DMD: variants seen among roughly 807,000 people sequenced by gnomAD.
DMD encodes dystrophin.
Under a neutral mutation model 330.1 loss-of-function variants are expected in DMD, and 63 were observed. That is an observed-to-expected ratio of 0.19 (90% confidence interval 0.16 to 0.24). The LOEUF (loss-of-function observed/expected upper bound fraction) is 0.24. DMD is among the 10% of genes least tolerant of loss of function. The pLI, the probability that DMD is intolerant of heterozygous loss-of-function variation, is 1.00. For missense variants in DMD, 3,344 were observed against 2,684.1 expected (o/e 1.25, Z -5.43); for synonymous variants, 1,223 against 959.8 (o/e 1.27, Z -5.07).
chrX:33,096,787 C>T (rs987113639), intron 1 of DMD, among the ~76,000 whole-genome samples: 17 of 112,096 alleles, frequency 1.5e-4, no homozygotes, highest in African/African-American at 3.6e-4. Context: ...ATTATAGGCG[C>T]GAGCCACCGC....
chrX:31,246,072 A>C (rs1232697605), intron 63 of DMD, among the ~76,000 whole-genome samples: 1 of 112,262 alleles, frequency 8.9e-6, no homozygotes, highest in African/African-American at 3.2e-5. Context: ...TAATGAAGGA[A>C]ATTAAAAGTA....
intron 55 of DMD, among the ~76,000 whole-genome samples, chrX:31,559,843 T>C (rs186535566): frequency 5.4e-4 from 60 of 110,176 alleles, no homozygotes; most frequent in Middle Eastern, 4.7e-3. Context: ...CACTGTAAAT[T>C]CTTTGAGGCA....
chrX:31,874,314 G>A (rs189459390), intron 48 of DMD, among the ~76,000 whole-genome samples: 3 of 111,297 alleles, frequency 2.7e-5, no homozygotes, highest in African/African-American at 6.5e-5. Flanking sequence ...CAGACTATAC[G>A]GGGAGATTGC....
chrX:33,064,629 C>T (rs2094625868), intron 1 of DMD, among the ~76,000 whole-genome samples: 1 of 111,897 alleles, frequency 8.9e-6, no homozygotes, highest in Non-Finnish European at 1.9e-5. Flanking sequence ...TGGCTCATGC[C>T]TGTAATCCCA....
chrX:32,899,695 A>T (rs1043358775), intron 2 of DMD, among the ~76,000 whole-genome samples: 1 of 110,016 alleles, frequency 9.1e-6, no homozygotes, highest in Admixed American at 9.7e-5. Flanking sequence ...AAAAAGAAAG[A>T]AAAAGAAAAA....
At chrX:32,028,817 T>G (rs2095864335) in intron 44 of DMD, among the ~76,000 whole-genome samples, 2 of 108,321 alleles carry the variant, frequency 1.8e-5, no homozygotes, top group South Asian at 7.7e-4. Context: ...CATATACCAT[T>G]TTTTTTTTGT....
chrX:32,464,562 A>G, intron 24 of DMD, 24 bp downstream of exon 24: 1 of 1,034,365 alleles, frequency 9.7e-7, no homozygotes, highest in Non-Finnish European at 1.4e-6. Flanking sequence ...TATTCATATT[A>G]AAGGCATCAT....
chrX:32,798,919 T>G (rs1388555386), intron 7 of DMD, among the ~76,000 whole-genome samples: 4 of 111,699 alleles, frequency 3.6e-5, no homozygotes, highest in Non-Finnish European at 5.6e-5. Context: ...TATAAACATT[T>G]CTTGCCATTA....
intron 4 of DMD, among the ~76,000 whole-genome samples, chrX:32,827,056 A>ACCCCCCCCCCCCCC (rs1174768674): frequency 1.7e-5 from 1 of 59,901 alleles, no homozygotes; most frequent in African/African-American, 8.0e-5. Flanking sequence ...CACACATCGC[A>ACCCCCCCCCCCCCC]CCCCCCCCCC....
intron 50 of DMD, among the ~76,000 whole-genome samples, chrX:31,785,191 G>A (rs1296141280): frequency 1.8e-5 from 2 of 112,124 alleles, no homozygotes; most frequent in Non-Finnish European, 3.8e-5. Context: ...GTCATAAAAT[G>A]ACAAATACTG....
intron 44 of DMD, among the ~76,000 whole-genome samples, chrX:32,003,462 G>C (rs2095640651): frequency 9.0e-6 from 1 of 111,412 alleles, no homozygotes; most frequent in African/African-American, 3.3e-5. Flanking sequence ...ATCAAGTTTT[G>C]TTTTTGTTAG....
intron 3 of DMD, among the ~76,000 whole-genome samples, chrX:32,849,137 C>A (rs1411764660): frequency 9.0e-6 from 1 of 111,521 alleles, no homozygotes; most frequent in Non-Finnish European, 1.9e-5. Context: ...GAATAGCAAT[C>A]TAAGACGATT....
chrX:31,406,923 G>T (rs778578856), intron 60 of DMD, among the ~76,000 whole-genome samples: 1 of 111,452 alleles, frequency 9.0e-6, no homozygotes, highest in African/African-American at 3.3e-5. Flanking sequence ...CTAATCCAAG[G>T]CATGTTCATT....
chrX:31,617,291 T>C (rs948046123), intron 55 of DMD, among the ~76,000 whole-genome samples: 12 of 111,487 alleles, frequency 1.1e-4, no homozygotes, highest in Non-Finnish European at 1.1e-4. Context: ...TCTCAGCGTT[T>C]TGGGAGGCCG....
chrX:31,490,580 TAAAAAGAAAAGA>T (rs2069202869), intron 57 of DMD, among the ~76,000 whole-genome samples: 3 of 111,164 alleles, frequency 2.7e-5, no homozygotes, highest in Admixed American at 9.5e-5. Flanking sequence ...AAAAAATAAA[TAAAAAGAAAAGA>T]AAAAAGAATG....
At chrX:32,411,695 C>A in intron 30 of DMD, 57 bp downstream of exon 30, 1 of 1,165,017 alleles carries the variant, frequency 8.6e-7, no homozygotes, top group Non-Finnish European at 1.2e-6. Context: ...AACACTGCAA[C>A]ATTTTGTTGA....
intron 50 of DMD, among the ~76,000 whole-genome samples, chrX:31,818,466 C>T (rs58139042): frequency 0.015 from 1,705 of 110,969 alleles, 32 homozygotes; most frequent in African/African-American, 0.053. Flanking sequence ...TGGAGCCTTC[C>T]TACCATGTGT....
At chrX:32,625,962 C>A (rs926993918) in intron 11 of DMD, among the ~76,000 whole-genome samples, 1 of 111,856 alleles carries the variant, frequency 8.9e-6, no homozygotes, top group African/African-American at 3.3e-5. Flanking sequence ...TAGAAAAGAA[C>A]TACCAGTGAT....
chrX:31,129,705 T>G (rs935278827), intron 77 of DMD, among the ~76,000 whole-genome samples: 1 of 112,054 alleles, frequency 8.9e-6, no homozygotes, highest in Admixed American at 9.5e-5. Flanking sequence ...TTGGGCTGTA[T>G]GTAGTTTGCT....
Sources: allele counts gnomAD v4.1 joint callset (sites outside exome capture counted in the v4.1 genomes callset), GRCh38; gene constraint gnomAD v4.1.1; transcripts MANE v1.5; gene names NCBI Gene and HGNC (gene_info 2026-07-23, HGNC 2026-07-21).